Variants in TTLL11 observed in about 807,000 individuals in gnomAD.
The protein encoded by TTLL11 is tubulin polyglutamylase TTLL11.
Under a neutral mutation model 51.7 loss-of-function variants are expected in TTLL11, and 42 were observed. The observed-to-expected ratio is 0.81, with a 90% CI of 0.64 to 1.05. The LOEUF is 1.05. Ranked by LOEUF, TTLL11 falls within the 50% of genes least tolerant of loss-of-function variation. TTLL11 has a pLI of 0.00. For synonymous variants in TTLL11, 381 were observed against 383.5 expected, an observed-to-expected ratio of 0.99 and a Z score of 0.08; for missense variants, 799 against 940.4, an observed-to-expected ratio of 0.85 and a Z score of 1.97.
intron 4 of TTLL11, among the ~76,000 whole-genome samples, chr9:121,979,712 T>C (rs1046257584): frequency 9.2e-5 from 14 of 152,146 alleles, no homozygotes; most frequent in African/African-American, 3.1e-4. Context: ...GCCAGAGCCA[T>C]TTTTCTAAAG....
chr9:121,818,440 TG>T lies in TTLL11; in HGVS notation c.*4146del, dbSNP rs1836475328. Reference sequence around the variant, plus strand: ...TAACACTGTCTCCTCTCCCGGGTTCTGCTAAACGTTCCTATTCACAGCAAGC... The same window carrying T: ...TAACACTGTCTCCTCTCCCGGGTTCTCTAAACGTTCCTATTCACAGCAAGC... On this transcript the variant is annotated 3_prime_UTR_variant, in exon 9 of 9. Coordinates refer to ENST00000321582, the MANE Select transcript of TTLL11 (RefSeq NM_001139442.2). 7.3e-6 allele frequency: 1 copy of T among 137,802 alleles called. No individual in the cohort carries two copies. Among genetic ancestry groups the T allele is most frequent in the Admixed American group, 6.8e-5 (1 of 14,714 alleles). The allele number at this position is 137,802 out of a possible 1,614,324, so 8.5% of individuals were successfully genotyped here.
chr9:122,004,910 C>T (rs184699486), intron 3 of TTLL11, among the ~76,000 whole-genome samples: 1 of 152,336 alleles, frequency 6.6e-6, no homozygotes, highest in East Asian at 1.9e-4. Flanking sequence ...CAGCACAATA[C>T]TCTCAGTGCC....
intron 4 of TTLL11, among the ~76,000 whole-genome samples, chr9:121,988,314 A>C (rs1043716717): frequency 2.3e-4 from 35 of 152,060 alleles, no homozygotes; most frequent in African/African-American, 8.2e-4. Context: ...GAAACATACA[A>C]ATTGGAATGC....
intron 3 of TTLL11, among the ~76,000 whole-genome samples, chr9:121,990,638 C>T (rs1462257775): frequency 1.3e-5 from 2 of 152,260 alleles, no homozygotes; most frequent in East Asian, 3.9e-4. Flanking sequence ...TAAACTAAAA[C>T]GTACAAAGGG....
At chr9:122,037,044 G>T (rs1844722847) in intron 2 of TTLL11, among the ~76,000 whole-genome samples, 1 of 152,132 alleles carries the variant, frequency 6.6e-6, no homozygotes, top group African/African-American at 2.4e-5. Context: ...CTAATCCTTT[G>T]TGGGTACTTC....
intron 8 of TTLL11, among the ~76,000 whole-genome samples, chr9:121,826,199 T>TATATATATATATATATATATATGCACAC (rs1836753576): frequency 9.1e-6 from 1 of 110,146 alleles, no homozygotes; most frequent in Non-Finnish European, 1.8e-5. Context: ...TATATATATA[T>TATATATATATATATATATATATGCACAC]ATATATATAT....
chr9:122,012,663 TAC>T (rs949997703), intron 3 of TTLL11, among the ~76,000 whole-genome samples: 13 of 74,014 alleles, frequency 1.8e-4, no homozygotes, highest in East Asian at 6.9e-4. Flanking sequence ...AAAATACACA[TAC>T]ACACACACAC....
At chr9:121,871,811 T>C (rs1838368745) in intron 6 of TTLL11, among the ~76,000 whole-genome samples, 1 of 152,170 alleles carries the variant, frequency 6.6e-6, no homozygotes, top group Non-Finnish European at 1.5e-5. Flanking sequence ...AACCTGCCAC[T>C]CACTGGCCTG....
chr9:121,905,166 A>T (rs1395372147), intron 6 of TTLL11, among the ~76,000 whole-genome samples: 1 of 152,186 alleles, frequency 6.6e-6, no homozygotes, highest in Non-Finnish European at 1.5e-5. Flanking sequence ...TGTAGAAGAC[A>T]TGAAAATGAA....
At chr9:121,923,423 G>A (rs759460310) in intron 6 of TTLL11, among the ~76,000 whole-genome samples, 1 of 152,106 alleles carries the variant, frequency 6.6e-6, no homozygotes, top group Non-Finnish European at 1.5e-5. Context: ...TAGGGTTGGA[G>A]TATTTTTTTC....
At position 121,866,358 on chromosome 9, in the gene TTLL11, C is replaced by T. The variant is rs145784419; in HGVS notation, c.1733+4139G>A. On this transcript the variant is annotated intron_variant, in intron 7 of 8. Transcript: ENST00000321582. Reference sequence around the variant, plus strand: ...AGGTTGCTGTTAGGATTTTCTGGCACATTTGAAAAAGAAAAATCCGGCCGG... The same window carrying T: ...AGGTTGCTGTTAGGATTTTCTGGCATATTTGAAAAAGAAAAATCCGGCCGG... Among the ~76,000 whole-genome samples the T allele has an allele frequency of 2.0e-3, 311 of 152,196 alleles. 4 individuals are homozygous for T. Among genetic ancestry groups the T allele is most frequent in the African/African-American group, 7.2e-3 (299 of 41,536 alleles).
In TTLL11 at chr9:121,870,606, G is replaced by A; in HGVS notation, c.1624C>T (p.Gln542Ter). 1 of 1,551,752 alleles carries A rather than the reference G, an allele frequency of 6.4e-7. No homozygotes were observed. The highest frequency in any genetic ancestry group is 1.2e-5 in the South Asian group (1 of 84,058). ...TCCACCAGGCGCAGGTAGTTGAACT[G>A]TTTTGCGTACTTGGGGAACACCTGC... ...LKQVFPKYAKQFNYLRLVDRM... is the reference protein window; with the variant it reads ...LKQVFPKYAK Residue 542 changes from glutamine (Q) to a stop codon, truncating the protein, a stop_gained, in exon 7 of 9, where the codon CAG (glutamine) becomes TAG (stop). Transcript: ENST00000321582. LOFTEE classifies it high-confidence loss of function.
intron 3 of TTLL11, among the ~76,000 whole-genome samples, chr9:122,028,223 T>G (rs1022081581): frequency 6.6e-6 from 1 of 152,116 alleles, no homozygotes; most frequent in Non-Finnish European, 1.5e-5. Context: ...AAAGAAATAG[T>G]AAGATGGTAG....
At chr9:121,842,260 A>ATT (rs1564268308) in intron 8 of TTLL11, among the ~76,000 whole-genome samples, 162 of 136,722 alleles carry the variant, frequency 1.2e-3, no homozygotes, top group African/African-American at 3.8e-3. Flanking sequence ...TTTTTTTTAA[A>ATT]AAAAAAAGAC....
intron 3 of TTLL11, among the ~76,000 whole-genome samples, chr9:122,011,166 G>A (rs1435791744): frequency 6.6e-6 from 1 of 152,100 alleles, no homozygotes; most frequent in East Asian, 1.9e-4. Flanking sequence ...ATTCTCACTT[G>A]CCTGCCACCA....
intron 8 of TTLL11, among the ~76,000 whole-genome samples, chr9:121,846,905 G>A (rs1302975529): frequency 6.6e-6 from 1 of 152,092 alleles, no homozygotes; most frequent in Non-Finnish European, 1.5e-5. Context: ...CAGAAAGAAA[G>A]AAATAATAAA....
At chr9:122,021,333 G>A (rs1203554801) in intron 3 of TTLL11, among the ~76,000 whole-genome samples, 1 of 152,150 alleles carries the variant, frequency 6.6e-6, no homozygotes, top group Non-Finnish European at 1.5e-5. Flanking sequence ...AGATAGCCAG[G>A]GTTCTCAGGA....
At chr9:121,928,031 C>G (rs1468128665) in intron 6 of TTLL11, among the ~76,000 whole-genome samples, 2 of 152,120 alleles carry the variant, frequency 1.3e-5, no homozygotes, top group African/African-American at 4.8e-5. Flanking sequence ...AACATGCAGC[C>G]AGGTGGTTTC....
chr9:122,082,552 T>G (rs1368814855), intron 1 of TTLL11, among the ~76,000 whole-genome samples: 3 of 147,604 alleles, frequency 2.0e-5, no homozygotes, highest in African/African-American at 5.0e-5. Flanking sequence ...ATTGCCCCAC[T>G]CTTTGTAATA....
Sources: gnomAD v4.1 joint callset for allele counts (sites outside exome capture counted in the v4.1 genomes callset) on GRCh38, gnomAD v4.1.1 for gene constraint, MANE v1.5 for transcripts, NCBI Gene and HGNC (gene_info 2026-07-23, HGNC 2026-07-21) for gene names.